SLC22A9: variants seen among roughly 807,000 people sequenced by gnomAD.
SLC22A9 encodes the protein organic anion transporter 7.
SLC22A9 carries 64 observed loss-of-function variants against 50.1 expected under a neutral mutation model. That is an observed-to-expected ratio of 1.28 (90% CI 1.04 to 1.57). SLC22A9 has a LOEUF of 1.57. Among genes scored for constraint, SLC22A9 ranks in the 40% most tolerant of loss-of-function variants. The pLI is 0.00. For synonymous variants in SLC22A9, 261 were observed against 242.5 expected (o/e 1.08, Z -0.71); for missense variants, 757 against 676.1 (o/e 1.12, Z -1.33).
intron 1 of SLC22A9, among the ~76,000 whole-genome samples, chr11:63,370,712 A>G (rs1468166397): frequency 6.6e-6 from 1 of 152,202 alleles, no homozygotes; most frequent in African/African-American, 2.4e-5. Flanking sequence ...TTTATATATA[A>G]TATGTTAAAA....
chr11:63,400,571 T>C (rs1356494758), intron 6 of SLC22A9, among the ~76,000 whole-genome samples: 1 of 152,086 alleles, frequency 6.6e-6, no homozygotes, highest in Non-Finnish European at 1.5e-5. Context: ...TCAGAACAAC[T>C]GAATTCTACC....
At chr11:63,375,790 T>C (rs374312194) in intron 5 of SLC22A9, 22 bp downstream of exon 5, 146 of 1,608,620 alleles carry the variant, frequency 9.1e-5, no homozygotes, top group Non-Finnish European at 1.1e-4. Flanking sequence ...GGGAGCTAGA[T>C]ATGGGATGTA....
At position 63,382,197 on chromosome 11, in the gene SLC22A9, A is replaced by G. The variant is rs2014575593; in HGVS notation, c.993A>G (p.Ala331=). 1.9e-6 allele frequency: 3 copies of G among 1,609,282 alleles called. No homozygotes were observed. The highest frequency in any genetic ancestry group is 3.4e-5 in the Admixed American group (2 of 59,240). The change falls in exon 6 of 10, where the codon GCA becomes GCG. Residue 331 remains alanine (A), a synonymous_variant. Coordinates refer to ENST00000279178, the MANE Select transcript of SLC22A9 (RefSeq NM_080866.3). ...CCATGAAAAAAGAACTGGAGGCAGC[A>G]CAAAAAAAAAAACCTTCTCTGTGTG... The part of the protein sequence containing the change: ...KSTMKKELEA[A]QKKKPSLCEM...
At chr11:63,397,216 T>A (rs1042326122) in intron 6 of SLC22A9, among the ~76,000 whole-genome samples, 2 of 152,180 alleles carry the variant, frequency 1.3e-5, no homozygotes, top group African/African-American at 4.8e-5. Flanking sequence ...TTCCCTTACT[T>A]TCTCTGAAAC....
In SLC22A9 at chr11:63,408,239, G is replaced by A. The variant is rs555517980; in HGVS notation, c.1397+19G>A. The stretch of plus-strand genomic sequence containing the variant: ...TAATCAGGTACAGAACCTTAAGTAT[G>A]CCCTGTCAGGTTCAAAATGGACCTT... On this transcript the variant is annotated intron_variant, in intron 8 of 9. Coordinates refer to ENST00000279178, the MANE Select transcript of SLC22A9 (RefSeq NM_080866.3). 1 of 1,585,962 alleles carries A rather than the reference G, an allele frequency of 6.3e-7. No individual in the cohort carries two copies. Among genetic ancestry groups the A allele is most frequent in the African/African-American group, 1.3e-5 (1 of 74,466 alleles).
rs764935375 is a variant in SLC22A9 at position 63,371,097 on chromosome 11, G to C, written c.403-38G>C. On this transcript the variant is annotated intron_variant, in intron 1 of 9. Transcript: ENST00000279178. Reference sequence around the variant, plus strand: ...AGTTTTGATCAAGTTACACTGAGGGGTAATAAGCATTGATGTGCTGGCTTC... The same window carrying C: ...AGTTTTGATCAAGTTACACTGAGGGCTAATAAGCATTGATGTGCTGGCTTC... 3.8e-5 allele frequency: 55 copies of C among 1,454,452 alleles called. No homozygotes were observed. The Admixed American group carries it at 9.1e-4, about 24-fold the overall frequency. 90.1% of individuals were successfully genotyped at this position (1,454,452 alleles called of 1,614,324 possible). A position where few individuals can be genotyped will look rare whatever the true frequency, so the allele number is the denominator to read the frequency against.
intron 6 of SLC22A9, among the ~76,000 whole-genome samples, chr11:63,399,128 A>G (rs2014910892): frequency 6.6e-6 from 1 of 152,230 alleles, no homozygotes; most frequent in Admixed American, 6.5e-5. Context: ...CAAAAAAGAA[A>G]GGAAGAAGGT....
Position 63,373,734 on chromosome 11 carries a change from C to T in SLC22A9, c.597C>T (p.Tyr199=), listed in dbSNP as rs1203810797. The part of the protein sequence containing the change: ...CAALAPTFLI[Y]CSLRFLSGIA... Reference sequence around the variant, plus strand: ...CCTTGGCTCCCACCTTCCTCATTTACTGCTCACTACGCTTCTTGTCTGGGA... The same window carrying T: ...CCTTGGCTCCCACCTTCCTCATTTATTGCTCACTACGCTTCTTGTCTGGGA... Residue 199 remains tyrosine, a synonymous_variant, in exon 3 of 10, where the codon TAC becomes TAT. Coordinates refer to ENST00000279178, the MANE Select transcript of SLC22A9 (RefSeq NM_080866.3). 2.5e-6 allele frequency: 4 copies of T among 1,613,474 alleles called. No homozygotes were observed. The highest frequency in any genetic ancestry group is 3.3e-5 in the Admixed American group (2 of 59,950).
chr11:63,399,967 T>G (rs948510565), intron 6 of SLC22A9, among the ~76,000 whole-genome samples: 2 of 152,008 alleles, frequency 1.3e-5, no homozygotes, highest in Non-Finnish European at 2.9e-5. Context: ...AGAAGAAAAT[T>G]AAAAATTTCT....
At chr11:63,387,873 A>G (rs944729184) in intron 6 of SLC22A9, among the ~76,000 whole-genome samples, 1 of 151,932 alleles carries the variant, frequency 6.6e-6, no homozygotes, top group African/African-American at 2.4e-5. Context: ...ACTTTTTATT[A>G]ACTTAATTTC....
intron 6 of SLC22A9, among the ~76,000 whole-genome samples, chr11:63,389,418 G>A (rs2014724672): frequency 6.6e-6 from 1 of 151,494 alleles, no homozygotes; most frequent in Non-Finnish European, 1.5e-5. Context: ...GCTTATGAGC[G>A]AGAACATGCA....
In SLC22A9 at chr11:63,373,134, T is replaced by C. The variant is rs1214845535; in HGVS notation, c.507-510T>C. On this transcript the variant is annotated intron_variant, in intron 2 of 9. Transcript: ENST00000279178. ...TTTTCTTTTTTTTCCTTTTTTTTTTTCTTTTTTTTTTTGCCCTCCCCTGCA... is the reference window on the plus strand; with the variant it reads ...TTTTCTTTTTTTTCCTTTTTTTTTTCCTTTTTTTTTTTGCCCTCCCCTGCA... 8.7e-3 allele frequency among the ~76,000 whole-genome samples: 819 copies of C among 93,914 alleles called. 4 individuals carry two copies. The highest frequency in any genetic ancestry group is 0.014 in the Non-Finnish European group (523 of 38,314). 61.6% of individuals were successfully genotyped at this position (93,914 alleles called of 152,430 possible). A position where few individuals can be genotyped will look rare whatever the true frequency, so the allele number is the denominator to read the frequency against.
At chr11:63,395,159 A>G (rs1252970486) in intron 6 of SLC22A9, among the ~76,000 whole-genome samples, 1 of 151,658 alleles carries the variant, frequency 6.6e-6, no homozygotes, top group Non-Finnish European at 1.5e-5. Flanking sequence ...ATCATTTTTT[A>G]CTTCCCTGCC....
chr11:63,379,520 ATAAAC>A (rs910275350), intron 5 of SLC22A9, among the ~76,000 whole-genome samples: 6 of 152,312 alleles, frequency 3.9e-5, no homozygotes, highest in African/African-American at 1.4e-4. Context: ...ATGGGACCAA[ATAAAC>A]TAAAGAGCTT....
At chr11:63,382,910 C>T (rs1403433420) in intron 6 of SLC22A9, among the ~76,000 whole-genome samples, 1 of 152,112 alleles carries the variant, frequency 6.6e-6, no homozygotes, top group Non-Finnish European at 1.5e-5. Context: ...CCATGACAAC[C>T]CCTTCCCAAA....
Position 63,382,237 on chromosome 11 carries a change from C to T in SLC22A9, c.1033C>T (p.Pro345Ser). 6.2e-7 allele frequency: 1 copy of T among 1,609,736 alleles called. No homozygotes were observed. Among genetic ancestry groups the T allele is most frequent in the South Asian group, 1.1e-5 (1 of 89,434 alleles). ...TTCTCTGTGTGAAATGCTCCACATG[C>T]CCAACATATGTAAAAGGATCTCCCT... ...KPSLCEMLHM[P>S]NICKRISLLS... Residue 345 changes from proline (P) to serine (S), a missense_variant, in exon 6 of 10, where the codon CCC becomes TCC. Transcript: ENST00000279178.
At chr11:63,403,967 T>G (rs1307787565) in intron 6 of SLC22A9, among the ~76,000 whole-genome samples, 3 of 152,102 alleles carry the variant, frequency 2.0e-5, no homozygotes, top group Non-Finnish European at 4.4e-5. Context: ...TACCATATGA[T>G]TCTGTATTTT....
chr11:63,395,129 T>G (rs1272028256), intron 6 of SLC22A9, among the ~76,000 whole-genome samples: 2 of 151,956 alleles, frequency 1.3e-5, no homozygotes, highest in Non-Finnish European at 2.9e-5. Context: ...TCCTTGAATA[T>G]TTCTCCCTTC....
chr11:63,397,650 T>C (rs61928011), intron 6 of SLC22A9, among the ~76,000 whole-genome samples: 4,088 of 152,246 alleles, frequency 0.027, 79 homozygotes, highest in Middle Eastern at 0.071. Flanking sequence ...AGTCATCTCA[T>C]GGCCACCACC....
Sources: gnomAD v4.1 joint callset for allele counts (sites outside exome capture counted in the v4.1 genomes callset) on GRCh38, gnomAD v4.1.1 for gene constraint, MANE v1.5 for transcripts, NCBI Gene and HGNC (gene_info 2026-07-23, HGNC 2026-07-21) for gene names.